The following LIPG variants were observed in gnomAD, a reference collection of about 807,000 sequenced individuals.
LIPG encodes the protein lipase G, endothelial type, also known as endothelial lipase.
Under a neutral mutation model 51.8 loss-of-function variants are expected in LIPG, and 34 were observed. The observed-to-expected ratio is 0.66, with a 90% CI of 0.50 to 0.87. The LOEUF (loss-of-function observed/expected upper bound fraction) is 0.87, where lower values mean the gene tolerates loss of function less well. Among genes scored for constraint, LIPG ranks in the 40% least tolerant of loss-of-function variants. The pLI, the probability that LIPG is intolerant of heterozygous loss-of-function variation, is 0.00. For missense variants in LIPG, 580 were observed against 652.7 expected, an observed-to-expected ratio of 0.89 and a Z score of 1.21; for synonymous variants, 246 against 246.1, an observed-to-expected ratio of 1.00 and a Z score of 0.00.
chr18:49,569,696 C>T lies in LIPG; in HGVS notation c.571+148C>T, dbSNP rs904591545. On this transcript the variant is annotated intron_variant, in intron 4 of 9. Transcript: ENST00000261292. The stretch of plus-strand genomic sequence containing the variant: ...TCAAAACTTCCCAAGCGTTTTTAGT[C>T]ACAAGAAACTTTTTTTTTTTTTTCC... 5.7e-6 allele frequency: 4 copies of T among 706,096 alleles called. No individual in the cohort carries two copies. In the African/African-American group the frequency reaches 7.3e-5, roughly 13 times the overall value. 43.7% of individuals were successfully genotyped at this position (706,096 alleles called of 1,614,324 possible).
chr18:49,583,777 A>C lies in LIPG; in HGVS notation c.1376+3A>C, dbSNP rs1275102554. ...AAGTCTGGGGAAACCCAGCGGAAGT[A>C]AGTGCCTCCTGCTCCTTCTTCTGCC... On this transcript the variant is annotated splice_donor_region_variant and intron_variant, in intron 8 of 9. Coordinates refer to ENST00000261292, the MANE Select transcript of LIPG (RefSeq NM_006033.4). 2 of 1,608,218 alleles carry C rather than the reference A, an allele frequency of 1.2e-6. No homozygotes were observed. The highest frequency in any genetic ancestry group is 2.0e-4 in the Middle Eastern group (1 of 5,002).
At chr18:49,563,545 G>C (rs2084572796) in intron 1 of LIPG, among the ~76,000 whole-genome samples, 1 of 151,598 alleles carries the variant, frequency 6.6e-6, no homozygotes, top group Non-Finnish European at 1.5e-5. Context: ...TTCAGTGGTG[G>C]GAAGACAGAC....
intron 3 of LIPG, 62 bp downstream of exon 3, chr18:49,567,683 G>C (rs769986688): frequency 6.5e-7 from 1 of 1,545,520 alleles, no homozygotes; most frequent in African/African-American, 1.4e-5. Flanking sequence ...ATCTTCTTAA[G>C]AAATGCAGGT....
chr18:49,580,492 T>C (rs1263468002), intron 5 of LIPG, among the ~76,000 whole-genome samples: 4 of 152,122 alleles, frequency 2.6e-5, no homozygotes, highest in Non-Finnish European at 2.9e-5. Flanking sequence ...CAAAAACAGG[T>C]GGCCAGCAGG....
chr18:49,574,020 A>C (rs912354438), intron 4 of LIPG, among the ~76,000 whole-genome samples: 1 of 152,198 alleles, frequency 6.6e-6, no homozygotes, highest in African/African-American at 2.4e-5. Context: ...TGGGGGCAAT[A>C]AAAAGGTCTC....
At chr18:49,570,468 A>G (rs983521501) in intron 4 of LIPG, among the ~76,000 whole-genome samples, 8 of 152,114 alleles carry the variant, frequency 5.3e-5, no homozygotes, top group African/African-American at 1.9e-4. Flanking sequence ...CTTACTCCCA[A>G]GATTCTAAGG....
chr18:49,578,708 G>T (rs1316008382), intron 5 of LIPG, among the ~76,000 whole-genome samples: 59 of 150,196 alleles, frequency 3.9e-4, no homozygotes, highest in Non-Finnish European at 8.2e-4. Context: ...CCGAGATCAC[G>T]CCACTGCACT....
At chr18:49,563,178 C>A (rs970757160) in intron 1 of LIPG, among the ~76,000 whole-genome samples, 2 of 152,114 alleles carry the variant, frequency 1.3e-5, no homozygotes, top group South Asian at 4.1e-4. Context: ...TAAACTGAAC[C>A]CCATCATCTC....
chr18:49,569,414 C>T (rs1425549357), intron 3 of LIPG, 23 bp from the exon 4 acceptor site: 2 of 1,600,800 alleles, frequency 1.2e-6, no homozygotes, highest in Middle Eastern at 1.7e-4. Context: ...CTTCTGCTCA[C>T]ATACTTTGGT....
At chr18:49,565,574 T>A in intron 2 of LIPG, 76 bp downstream of exon 2, 1 of 1,536,570 alleles carries the variant, frequency 6.5e-7, no homozygotes, top group Non-Finnish European at 9.0e-7. Flanking sequence ...GAAAGAATTC[T>A]GGTGTTTCCA....
chr18:49,562,041 T>G (rs975473703), upstream of LIPG: 5 of 1,432,918 alleles, frequency 3.5e-6, no homozygotes, highest in African/African-American at 7.2e-5. Context: ...AAAAACTACC[T>G]CTATAGGAGC....
At chr18:49,562,876 G>T (rs1168169845) in intron 1 of LIPG, among the ~76,000 whole-genome samples, 1 of 152,222 alleles carries the variant, frequency 6.6e-6, no homozygotes, top group Non-Finnish European at 1.5e-5. Context: ...ATTCGTGCTT[G>T]CAGGGAGCGT....
At chr18:49,581,769 C>A in intron 6 of LIPG, 112 bp downstream of exon 6, 1 of 1,336,128 alleles carries the variant, frequency 7.5e-7, no homozygotes, top group Non-Finnish European at 1.1e-6. Context: ...CAGCACAATC[C>A]AATCAAATCG....
At chr18:49,562,004 G>A (rs1600538632), upstream of LIPG, 16 of 1,402,436 alleles carry the variant, frequency 1.1e-5, no homozygotes, top group Non-Finnish European at 1.5e-5. Context: ...ACCATCTGGC[G>A]ATGGGTCAGA....
chr18:49,590,205 GTGTA>G, intron 9 of LIPG: 5 of 490,906 alleles, frequency 1.0e-5, no homozygotes, highest in African/African-American at 2.0e-5. Flanking sequence ...GTGTGTGTGT[GTGTA>G]TGTTGTGGGT....
At chr18:49,587,438 G>A (rs992055237) in intron 9 of LIPG, among the ~76,000 whole-genome samples, 47 of 151,664 alleles carry the variant, frequency 3.1e-4, no homozygotes, top group African/African-American at 1.1e-3. Flanking sequence ...GCATGGTGAC[G>A]GGTGCCTGTA....
rs2084557276 is a variant in LIPG, at chr18:49,562,214, G to A, written c.-95G>A. 1 of 1,602,424 alleles carries A rather than the reference G, an allele frequency of 6.2e-7. No homozygotes were observed. The highest frequency in any genetic ancestry group is 2.2e-5 in the East Asian group (1 of 44,748). On this transcript the variant is annotated 5_prime_UTR_variant, in exon 1 of 10. Transcript: ENST00000261292. ...CCAGTCCCCCAGCCCCTGGCCGAGA[G>A]AAGGGTCTTACCGGCCGGGATTGCT... is the stretch of plus-strand genomic sequence containing the variant.
At position 49,575,582 on chromosome 18, in the gene LIPG, C is replaced by T. The variant is rs1347001906; in HGVS notation, c.785C>T (p.Ala262Val). 1.9e-6 allele frequency: 3 copies of T among 1,613,480 alleles called. No homozygotes were observed. The highest frequency in any genetic ancestry group is 1.3e-5 in the African/African-American group (1 of 74,938). ...CTCAACGATGTCTTGGGATCAATTG[C>T]ATATGGAAGTGAGTTCCCTCTTTTC... is the stretch of plus-strand genomic sequence containing the variant. ...CGLNDVLGSI[A>V]YGTITEVVKC... Residue 262 changes from alanine to valine, a missense_variant, in exon 5 of 10, where the codon GCA becomes GTA. By Grantham distance (64) the Ala-to-Val change is moderately conservative (BLOSUM62 0). Coordinates refer to ENST00000261292, the MANE Select transcript of LIPG (RefSeq NM_006033.4).
intron 4 of LIPG, among the ~76,000 whole-genome samples, chr18:49,569,800 C>T (rs923329096): frequency 2.0e-5 from 3 of 151,666 alleles, no homozygotes; most frequent in Non-Finnish European, 4.4e-5. Flanking sequence ...GGGTATATGG[C>T]GGCTTGTGTT....
Sources: gnomAD v4.1 joint callset for allele counts (sites outside exome capture counted in the v4.1 genomes callset) on GRCh38, gnomAD v4.1.1 for gene constraint, MANE v1.5 for transcripts, NCBI Gene and HGNC (gene_info 2026-07-23, HGNC 2026-07-21) for gene names.